The following PCID2 variants were observed in gnomAD, a reference collection of about 807,000 sequenced individuals.
PCID2 encodes the protein PCI domain containing 2.
Under a neutral mutation model 61.3 loss-of-function variants are expected in PCID2, and 41 were observed. That is an observed-to-expected ratio of 0.67 (90% CI 0.52 to 0.87). The LOEUF is 0.87. PCID2 is among the 40% of genes least tolerant of loss of function. The probability of loss-of-function intolerance (pLI) is 0.00; values close to 1 mark genes in which losing one functional copy is unlikely to be tolerated. For synonymous variants in PCID2, 187 were observed against 177.8 expected (o/e 1.05, Z -0.41); for missense variants, 392 against 493.4 (o/e 0.79, Z 1.95).
the PCID2 span, among the ~76,000 whole-genome samples, chr13:113,168,693 G>A: frequency 2.0e-5 from 3 of 152,124 alleles, no homozygotes; most frequent in Non-Finnish European, 4.4e-5. Flanking sequence ...GTATTTGTGG[G>A]CTAATATCGC....
chr13:113,169,131 G>A, the PCID2 span, among the ~76,000 whole-genome samples: 1 of 152,014 alleles, frequency 6.6e-6, no homozygotes, highest in Non-Finnish European at 1.5e-5. Context: ...CTCAGAGATG[G>A]TCTGTTCATT....
chr13:113,173,992 G>A (rs2037153271), downstream of PCID2, among the ~76,000 whole-genome samples: 1 of 152,032 alleles, frequency 6.6e-6, no homozygotes. Flanking sequence ...ACTTTGGGAG[G>A]CTGAGGCGGG....
At chr13:113,171,675 G>A in the PCID2 span, 5 of 1,613,940 alleles carry the variant, frequency 3.1e-6, no homozygotes, top group African/African-American at 1.3e-5. This position sits in a 1 kb window ranked among gnomAD's most constrained non-coding sequence, Gnocchi z 5.1. Flanking sequence ...GCGGACGCGG[G>A]GGAGAATGAC....
chr13:113,171,850 G>A, the PCID2 span: 2,225 of 1,613,646 alleles, frequency 1.4e-3, 29 homozygotes, highest in African/African-American at 0.024. The surrounding 1 kb of genome is among the most constrained non-coding windows in gnomAD (Gnocchi z 5.1). Context: ...CGCTGACCAC[G>A]CGGCCTGTCA....
At chr13:113,191,644 C>G (rs1168998754) in intron 6 of PCID2, among the ~76,000 whole-genome samples, 1 of 152,164 alleles carries the variant, frequency 6.6e-6, no homozygotes, top group Non-Finnish European at 1.5e-5. Flanking sequence ...TTGACTTTTC[C>G]CTCGCATTTG....
chr13:113,205,265 G>C (rs1566989199), intron 1 of PCID2, among the ~76,000 whole-genome samples: 1 of 152,120 alleles, frequency 6.6e-6, no homozygotes, highest in Non-Finnish European at 1.5e-5. Context: ...CTTGGCAAAA[G>C]GAACATAATG....
chr13:113,170,530 T>A, the PCID2 span: 1 of 1,522,628 alleles, frequency 6.6e-7, no homozygotes, highest in Non-Finnish European at 9.1e-7. Flanking sequence ...TGTAAAAACA[T>A]GTAAGTATTT....
At chr13:113,170,840 CG>C in the PCID2 span, among the ~76,000 whole-genome samples, 1 of 151,920 alleles carries the variant, frequency 6.6e-6, no homozygotes, top group Non-Finnish European at 1.5e-5. Flanking sequence ...GGCTAAAAAT[CG>C]GAAGAATGGG....
At chr13:113,176,048 G>A (rs2037180100), downstream of PCID2, among the ~76,000 whole-genome samples, 1 of 152,262 alleles carries the variant, frequency 6.6e-6, no homozygotes, top group Non-Finnish European at 1.5e-5. Context: ...CTGCAGACCT[G>A]CAGATGTAGG....
At chr13:113,166,302 T>C in the PCID2 span, 1 of 152,258 alleles carries the variant, frequency 6.6e-6, no homozygotes, top group Non-Finnish European at 1.5e-5. Context: ...TATTTGCCTT[T>C]TTCCTTTACA....
intron 1 of PCID2, among the ~76,000 whole-genome samples, chr13:113,202,677 AAT>A (rs1290916183): frequency 1.3e-5 from 2 of 152,216 alleles, no homozygotes; most frequent in Admixed American, 6.5e-5. Flanking sequence ...AAACAAGAAA[AAT>A]ATGTGTGTTT....
rs1342126418 is a variant in PCID2, at chr13:113,179,091, T to C, written c.987-2A>G. On this transcript the variant is annotated splice_acceptor_variant, in intron 12 of 13. Coordinates refer to ENST00000337344, the MANE Select transcript of PCID2 (RefSeq NM_001127202.4). LOFTEE classifies it high-confidence loss of function. This position sits in a 1 kb window ranked among gnomAD's most constrained non-coding sequence, Gnocchi z 4.3. ...TGGTGTGTTTTCAGTAACAAATACC[T>C]GGAAGAGGGGAGGAGAAGGGCACTG... 9 of 1,612,772 alleles carry C rather than the reference T, an allele frequency of 5.6e-6. No individual in the cohort carries two copies. The highest frequency in any genetic ancestry group is 6.8e-6 in the Non-Finnish European group (8 of 1,179,448).
At chr13:113,183,975 C>T (rs112089323) in intron 9 of PCID2, 2 of 985,344 alleles carry the variant, frequency 2.0e-6, no homozygotes, top group African/African-American at 1.7e-5. Flanking sequence ...TGAAGTCAGT[C>T]GCTGAACTAA....
the PCID2 span, chr13:113,172,155 A>ACTGTGG: frequency 6.2e-7 from 1 of 1,600,040 alleles, no homozygotes; most frequent in Non-Finnish European, 8.5e-7. Flanking sequence ...GCGGGATTCC[A>ACTGTGG]AGCTGGCACT....
the PCID2 span, chr13:113,171,628 C>CAAGATAACG: frequency 1.2e-6 from 2 of 1,614,168 alleles, no homozygotes; most frequent in Non-Finnish European, 1.7e-6. The surrounding 1 kb of genome is among the most constrained non-coding windows in gnomAD (Gnocchi z 5.1). Context: ...CGCTGATGAT[C>CAAGATAACG]AAGATAACGC....
chr13:113,208,321 C>T, intron 1 of PCID2: 1 of 1,433,062 alleles, frequency 7.0e-7, no homozygotes, highest in Non-Finnish European at 9.1e-7. Context: ...CAAGTGAGGG[C>T]AGCGACCTGG....
At chr13:113,165,793 A>C in the PCID2 span, among the ~76,000 whole-genome samples, 1 of 152,128 alleles carries the variant, frequency 6.6e-6, no homozygotes, top group African/African-American at 2.4e-5. Context: ...GGCCTCCCAA[A>C]GTGCTGGGAT....
intron 1 of PCID2, among the ~76,000 whole-genome samples, chr13:113,202,898 T>C (rs925535340): frequency 2.0e-5 from 3 of 152,138 alleles, no homozygotes; most frequent in Admixed American, 6.5e-5. Context: ...TTGAAACAAA[T>C]AGAAAATACA....
At chr13:113,197,078 C>G in intron 4 of PCID2, 100 bp downstream of exon 4, 1 of 1,614,208 alleles carries the variant, frequency 6.2e-7, no homozygotes, top group South Asian at 1.1e-5. Flanking sequence ...TTTCTAACTG[C>G]AGAAATGAGC....
Sources: gnomAD v4.1 joint callset for allele counts (sites outside exome capture counted in the v4.1 genomes callset) on GRCh38, gnomAD v4.1.1 for gene constraint, Gnocchi (gnomAD v3.1) non-coding constraint, MANE v1.5 for transcripts, NCBI Gene and HGNC (gene_info 2026-07-23, HGNC 2026-07-21) for gene names.